The following PCDH9 variants were observed in gnomAD, a reference collection of about 807,000 sequenced individuals.
PCDH9 encodes the protein protocadherin-9.
Under a neutral mutation model 70.6 loss-of-function variants are expected in PCDH9, and 24 were observed. The ratio of observed to expected loss-of-function variants is 0.34; its 90% confidence interval spans 0.25 to 0.48. PCDH9 has a LOEUF of 0.48. Among genes scored for constraint, PCDH9 ranks in the 20% least tolerant of loss-of-function variants. The pLI, the probability that PCDH9 is intolerant of heterozygous loss-of-function variation, is 0.99. For missense variants in PCDH9, 1,281 were observed against 1,503.6 expected, an observed-to-expected ratio of 0.85 and a Z score of 2.45; for synonymous variants, 562 against 558.5, an observed-to-expected ratio of 1.01 and a Z score of -0.09.
intron 3 of PCDH9, among the ~76,000 whole-genome samples, chr13:66,696,117 A>G (rs368172058): frequency 1.1e-4 from 16 of 152,142 alleles, no homozygotes; most frequent in Non-Finnish European, 1.5e-4. Flanking sequence ...GGCTACTTAA[A>G]AGCAGAATAT....
chr13:67,027,167 C>A (rs1205500064), intron 2 of PCDH9, among the ~76,000 whole-genome samples: 2 of 152,006 alleles, frequency 1.3e-5, no homozygotes, highest in Admixed American at 1.3e-4. Flanking sequence ...TCAAACTATA[C>A]TACAAGGCTA....
intron 4 of PCDH9, among the ~76,000 whole-genome samples, chr13:66,568,580 A>G (rs2076686085): frequency 9.4e-6 from 1 of 106,694 alleles, no homozygotes; most frequent in African/African-American, 3.1e-5. Flanking sequence ...TTTGAGGTGG[A>G]AGGATAGCTT....
In PCDH9 at chr13:66,730,878, T is replaced by TTTTTG. The variant is rs1288498501; in HGVS notation, c.3139-99468_3139-99467insCAAAA. 1.8e-4 allele frequency among the ~76,000 whole-genome samples: 3 copies of TTTTTG among 16,782 alleles called. 1 individual carries two copies. Among genetic ancestry groups the TTTTTG allele is most frequent in the Admixed American group, 8.1e-4 (1 of 1,236 alleles). The allele number at this position is 16,782 out of a possible 152,430, so 11.0% of individuals were successfully genotyped here. On this transcript the variant is annotated intron_variant, in intron 3 of 4. Transcript: ENST00000377865. Reference sequence around the variant, plus strand: ...TTTTTGTTTTTTTGTGTGTGTGTGTTTTTTTTTTGTTTGTTTCTTTTTTTT... The same window carrying TTTTTG: ...TTTTTGTTTTTTTGTGTGTGTGTGTTTTTTGTTTTTTTTGTTTGTTTCTTTTTTTT...
At chr13:66,969,261 C>T (rs2083478603) in intron 2 of PCDH9, among the ~76,000 whole-genome samples, 2 of 151,958 alleles carry the variant, frequency 1.3e-5, no homozygotes, top group Non-Finnish European at 2.9e-5. Context: ...GTTAAGCCCA[C>T]TGATTTTTAT....
At chr13:66,913,060 G>A (rs1264849552) in intron 2 of PCDH9, among the ~76,000 whole-genome samples, 1 of 152,064 alleles carries the variant, frequency 6.6e-6, no homozygotes, top group East Asian at 1.9e-4. Flanking sequence ...TAAATTCGGA[G>A]ATTCAAATCT....
chr13:66,377,762 C>T (rs1956775709), intron 4 of PCDH9, among the ~76,000 whole-genome samples: 1 of 152,190 alleles, frequency 6.6e-6, no homozygotes, highest in Non-Finnish European at 1.5e-5. Flanking sequence ...AAAATTGCAT[C>T]TGTCTCTTTC....
intron 4 of PCDH9, among the ~76,000 whole-genome samples, chr13:66,475,075 G>T (rs759623687): frequency 9.9e-5 from 15 of 152,054 alleles, no homozygotes; most frequent in Non-Finnish European, 1.9e-4. Context: ...ACTGGTAGAA[G>T]AGATTAGTTA....
intron 2 of PCDH9, among the ~76,000 whole-genome samples, chr13:67,054,573 C>T (rs1342171229): frequency 6.6e-6 from 1 of 152,062 alleles, no homozygotes; most frequent in Non-Finnish European, 1.5e-5. Flanking sequence ...TTCTAATGCA[C>T]ATATAATGGA....
chr13:66,369,832 G>A (rs1183279106), intron 4 of PCDH9, among the ~76,000 whole-genome samples: 1 of 151,994 alleles, frequency 6.6e-6, no homozygotes, highest in Non-Finnish European at 1.5e-5. Context: ...TTGACAGTAT[G>A]GCCTAAAAAT....
At chr13:67,059,689 A>G (rs1410138328) in intron 2 of PCDH9, among the ~76,000 whole-genome samples, 1 of 151,620 alleles carries the variant, frequency 6.6e-6, no homozygotes, top group African/African-American at 2.4e-5. Flanking sequence ...GAAGCTTAAC[A>G]GAGTAAACCG....
At chr13:67,065,946 C>T (rs2085638778) in intron 2 of PCDH9, among the ~76,000 whole-genome samples, 1 of 151,890 alleles carries the variant, frequency 6.6e-6, no homozygotes, top group Non-Finnish European at 1.5e-5. Context: ...TATCATGATT[C>T]GAAAAGAGTC....
At chr13:66,626,743 A>G (rs979474306) in intron 4 of PCDH9, among the ~76,000 whole-genome samples, 3 of 41,538 alleles carry the variant, frequency 7.2e-5, no homozygotes, top group African/African-American at 1.3e-4. Flanking sequence ...TTAGATTTAC[A>G]TAAACATTAT....
chr13:66,904,502 T>C (rs1012715240), intron 2 of PCDH9, among the ~76,000 whole-genome samples: 1 of 152,130 alleles, frequency 6.6e-6, no homozygotes, highest in East Asian at 1.9e-4. Flanking sequence ...TAAAAAGATA[T>C]TGTTGTGCCC....
At chr13:67,133,876 A>G (rs2087167852) in intron 2 of PCDH9, among the ~76,000 whole-genome samples, 1 of 152,258 alleles carries the variant, frequency 6.6e-6, no homozygotes, top group Middle Eastern at 3.4e-3. Context: ...CACATAAGAA[A>G]TCCACGGTGA....
intron 2 of PCDH9, among the ~76,000 whole-genome samples, chr13:67,147,676 C>T (rs2087555830): frequency 6.6e-6 from 1 of 152,210 alleles, no homozygotes; most frequent in South Asian, 2.1e-4. Context: ...AATTTGGGGA[C>T]TGTCTTATAA....
At chr13:66,649,296 G>A (rs887640307) in intron 3 of PCDH9, among the ~76,000 whole-genome samples, 12 of 151,908 alleles carry the variant, frequency 7.9e-5, no homozygotes, top group Non-Finnish European at 1.2e-4. Flanking sequence ...GATAAAGAAA[G>A]GATCTAAAAA....
At chr13:66,850,097 A>G (rs890704484) in intron 3 of PCDH9, among the ~76,000 whole-genome samples, 1 of 152,148 alleles carries the variant, frequency 6.6e-6, no homozygotes, top group Non-Finnish European at 1.5e-5. Flanking sequence ...GTTGTATTAT[A>G]ATATTACAAC....
intron 4 of PCDH9, among the ~76,000 whole-genome samples, chr13:66,530,392 T>C (rs1566395081): frequency 6.6e-6 from 1 of 152,082 alleles, no homozygotes; most frequent in South Asian, 2.1e-4. Flanking sequence ...GTGCTTTCAG[T>C]ATTAGATATC....
chr13:67,212,909 C>T (rs1273323074), intron 2 of PCDH9: 1 of 151,956 alleles, frequency 6.6e-6, no homozygotes, highest in Non-Finnish European at 1.5e-5. Context: ...AGGACAGTTA[C>T]CTCTCCATTA....
Sources: gnomAD v4.1 joint callset for allele counts (sites outside exome capture counted in the v4.1 genomes callset) on GRCh38, gnomAD v4.1.1 for gene constraint, MANE v1.5 for transcripts, NCBI Gene and HGNC (gene_info 2026-07-23, HGNC 2026-07-21) for gene names.